IL1RAPL2: variants seen among roughly 807,000 people sequenced by gnomAD.
IL1RAPL2 encodes the protein interleukin 1 receptor accessory protein like 2, also known as X-linked interleukin-1 receptor accessory protein-like 2.
A neutral mutation model predicts 44.1 loss-of-function variants in IL1RAPL2; 3 were observed. The observed-to-expected ratio is 0.07, with a 90% CI of 0.03 to 0.18. IL1RAPL2 has a LOEUF of 0.18. Ranked by LOEUF, IL1RAPL2 falls within the 10% of genes least tolerant of loss-of-function variation. The pLI is 1.00. For synonymous variants in IL1RAPL2, 181 were observed against 178.8 expected, an observed-to-expected ratio of 1.01 and a Z score of -0.10; for missense variants, 391 against 496.4, an observed-to-expected ratio of 0.79 and a Z score of 2.02.
intron 2 of IL1RAPL2, among the ~76,000 whole-genome samples, chrX:104,765,964 C>T (rs1932545433): frequency 8.9e-6 from 1 of 112,075 alleles, no homozygotes; most frequent in South Asian, 3.8e-4. Flanking sequence ...AAAGTGTTTT[C>T]CAAATATCTA....
At chrX:104,803,502 A>G (rs1932899008) in intron 2 of IL1RAPL2, among the ~76,000 whole-genome samples, 1 of 112,242 alleles carries the variant, frequency 8.9e-6, no homozygotes, top group African/African-American at 3.2e-5. Flanking sequence ...GGGCAGGAAC[A>G]TATTTTTCCC....
chrX:104,850,505 G>T (rs747500498), intron 2 of IL1RAPL2, among the ~76,000 whole-genome samples: 3 of 111,488 alleles, frequency 2.7e-5, no homozygotes, highest in South Asian at 7.4e-4. Context: ...TGAAGATTTT[G>T]ATCTATTTGA....
chrX:104,951,244 A>G (rs1569350123), intron 2 of IL1RAPL2, among the ~76,000 whole-genome samples: 1 of 112,591 alleles, frequency 8.9e-6, no homozygotes, highest in Non-Finnish European at 1.9e-5. Context: ...ATAAACAGTT[A>G]TATAACATTT....
At chrX:105,049,739 GTAAA>G (rs2031892582) in intron 2 of IL1RAPL2, among the ~76,000 whole-genome samples, 1 of 111,084 alleles carries the variant, frequency 9.0e-6, no homozygotes, top group Admixed American at 9.6e-5. Context: ...TTTTATTATA[GTAAA>G]TAAAGTTACT....
At chrX:105,019,654 T>C (rs2031249387) in intron 2 of IL1RAPL2, among the ~76,000 whole-genome samples, 1 of 111,849 alleles carries the variant, frequency 8.9e-6, no homozygotes, top group African/African-American at 3.2e-5. Context: ...TTCTGATTTT[T>C]AAAAATTGAG....
chrX:104,960,986 A>G (rs2029993983), intron 2 of IL1RAPL2, among the ~76,000 whole-genome samples: 1 of 111,965 alleles, frequency 8.9e-6, no homozygotes, highest in Non-Finnish European at 1.9e-5. Flanking sequence ...GAAAGCATAC[A>G]CAAATTAAAA....
intron 7 of IL1RAPL2, among the ~76,000 whole-genome samples, chrX:105,729,173 T>G (rs1055439799): frequency 1.8e-5 from 2 of 111,845 alleles, no homozygotes; most frequent in Admixed American, 1.9e-4. Context: ...CAATTATGAA[T>G]GAAGCTGCTA....
chrX:105,043,383 C>G lies in IL1RAPL2; in HGVS notation c.83-152092C>G, dbSNP rs528246154. Among the ~76,000 whole-genome samples, 67 of 109,621 alleles carry G rather than the reference C, an allele frequency of 6.1e-4. No individual in the cohort carries two copies. The South Asian group carries it at 0.026, about 42-fold the overall frequency. On this transcript the variant is annotated intron_variant, in intron 2 of 10. Coordinates refer to ENST00000372582, the MANE Select transcript of IL1RAPL2 (RefSeq NM_017416.2). ...TCACCTGGAAGCAAATCTTGGCATA[C>G]TATTGTTCTTCAACACACTTTTTAG... is the stretch of plus-strand genomic sequence containing the variant.
chrX:105,666,633 T>C (rs1166287865), intron 6 of IL1RAPL2, among the ~76,000 whole-genome samples: 3 of 111,686 alleles, frequency 2.7e-5, no homozygotes, highest in Non-Finnish European at 3.8e-5. Context: ...TTACAAACAA[T>C]CCATAGAAAC....
rs58609782 is a variant in IL1RAPL2, at chrX:104,786,919, TTCTCTCTCTCTCTCTCTCTCTCTCTCTC to T, written c.82+127961_82+127988del. Reference sequence around the variant, plus strand: ...TCTCTCATTCTCATTCTCATTCATATTCTCTCTCTCTCTCTCTCTCTCTCTCTCTCTCTCTCTCTCTCTCTCTCTCTCT... The same window carrying T: ...TCTCTCATTCTCATTCTCATTCATATTCTCTCTCTCTCTCTCTCTCTCTCT... On this transcript the variant is annotated intron_variant, in intron 2 of 10. Transcript: ENST00000372582. Among the ~76,000 whole-genome samples, 147 of 36,686 alleles carry T rather than the reference TTCTCTCTCTCTCTCTCTCTCTCTCTCTC, an allele frequency of 4.0e-3. 3 individuals are homozygous for T. Among genetic ancestry groups the T allele is most frequent in the Middle Eastern group, 0.018 (1 of 55 alleles). 31.9% of individuals were successfully genotyped at this position (36,686 alleles called of 115,157 possible).
At chrX:105,179,899 G>A (rs2033512566) in intron 2 of IL1RAPL2, among the ~76,000 whole-genome samples, 1 of 109,409 alleles carries the variant, frequency 9.1e-6, no homozygotes, top group African/African-American at 3.3e-5. Flanking sequence ...GAGTCTTTAG[G>A]TTTTTTTAGA....
chrX:104,612,919 A>AT (rs962537664), intron 1 of IL1RAPL2, among the ~76,000 whole-genome samples: 5 of 110,007 alleles, frequency 4.5e-5, no homozygotes, highest in Admixed American at 2.0e-4. Context: ...TGGTATTTTA[A>AT]TTTTTTTTGT....
At chrX:104,583,953 G>A (rs1406994924) in intron 1 of IL1RAPL2, among the ~76,000 whole-genome samples, 1 of 111,512 alleles carries the variant, frequency 9.0e-6, no homozygotes, top group African/African-American at 3.3e-5. Flanking sequence ...CCCTACCAGT[G>A]CCACCTGGAT....
intron 2 of IL1RAPL2, among the ~76,000 whole-genome samples, chrX:105,173,410 G>A (rs772257002): frequency 8.9e-6 from 1 of 111,978 alleles, no homozygotes; most frequent in South Asian, 3.8e-4. Context: ...AGGGAGGAGA[G>A]TTTCCTTGGA....
At position 105,734,131 on chromosome X, in the gene IL1RAPL2, GT is replaced by G. The variant is rs956724337; in HGVS notation, c.903-6405del. Among the ~76,000 whole-genome samples, 15 of 105,380 alleles carry G rather than the reference GT, an allele frequency of 1.4e-4. No homozygotes were observed. The East Asian group carries it at 2.4e-3, about 17-fold the overall frequency. The allele number at this position is 105,380 out of a possible 115,157, so 91.5% of individuals were successfully genotyped here. A position where few individuals can be genotyped will look rare whatever the true frequency, so the allele number is the denominator to read the frequency against. On this transcript the variant is annotated intron_variant, in intron 7 of 10. Coordinates refer to ENST00000372582, the MANE Select transcript of IL1RAPL2 (RefSeq NM_017416.2). ...CTTAAATAGGGCCTGAGCTTTGCAG[GT>G]TTTTTTTTTGCAAATAAAATCCCTT... is the stretch of plus-strand genomic sequence containing the variant.
At chrX:104,864,054 G>A (rs150413255) in intron 2 of IL1RAPL2, among the ~76,000 whole-genome samples, 243 of 111,843 alleles carry the variant, frequency 2.2e-3, no homozygotes, top group African/African-American at 7.4e-3. Flanking sequence ...GCTTGTTGTG[G>A]AACTGACACT....
intron 2 of IL1RAPL2, among the ~76,000 whole-genome samples, chrX:105,074,196 T>G (rs2147540697): frequency 8.9e-6 from 1 of 112,148 alleles, no homozygotes; most frequent in East Asian, 2.8e-4. Context: ...AAGTCTTCAA[T>G]CCATCTTGAA....
intron 2 of IL1RAPL2, among the ~76,000 whole-genome samples, chrX:105,146,779 G>C (rs1023927651): frequency 8.1e-5 from 9 of 111,496 alleles, no homozygotes; most frequent in Non-Finnish European, 1.3e-4. Flanking sequence ...CTTAAGACCT[G>C]AGCTTACCTG....
chrX:104,637,993 T>C (rs973485090), intron 1 of IL1RAPL2, among the ~76,000 whole-genome samples: 12 of 111,605 alleles, frequency 1.1e-4, no homozygotes, highest in African/African-American at 2.9e-4. Context: ...CATCTGGTCT[T>C]GGATGTTTCT....
Sources: allele counts gnomAD v4.1 joint callset (sites outside exome capture counted in the v4.1 genomes callset), GRCh38; gene constraint gnomAD v4.1.1; transcripts MANE v1.5; gene names NCBI Gene and HGNC (gene_info 2026-07-23, HGNC 2026-07-21).